The following L3MBTL2 variants were observed in gnomAD, a reference collection of about 807,000 sequenced individuals.
L3MBTL2 encodes the protein lethal(3)malignant brain tumor-like protein 2.
Under a neutral mutation model 86.4 loss-of-function variants are expected in L3MBTL2, and 49 were observed. That is an observed-to-expected ratio of 0.57 (90% CI 0.45 to 0.72). L3MBTL2 has a LOEUF of 0.72. L3MBTL2 is among the 30% of genes least tolerant of loss of function. L3MBTL2 has a pLI of 0.00. For missense variants in L3MBTL2, 755 were observed against 923.7 expected (o/e 0.82, Z 2.37); for synonymous variants, 336 against 350.6 (o/e 0.96, Z 0.47).
At chr22:41,213,826 G>A in intron 2 of L3MBTL2, 67 bp from the exon 3 acceptor site, 1 of 1,580,122 alleles carries the variant, frequency 6.3e-7, no homozygotes, top group South Asian at 1.1e-5. Flanking sequence ...GGTTTTGAAG[G>A]GCCCATCACT....
intron 5 of L3MBTL2, chr22:41,219,175 G>A: frequency 4.8e-6 from 2 of 413,924 alleles, no homozygotes; most frequent in South Asian, 2.7e-5. Flanking sequence ...TTTAGGACTC[G>A]GTTCTGTCTG....
intron 4 of L3MBTL2, 61 bp downstream of exon 4, chr22:41,216,323 G>A (rs1019206797): frequency 1.3e-6 from 2 of 1,579,790 alleles, no homozygotes; most frequent in Non-Finnish European, 1.7e-6. Flanking sequence ...ACTGGGTTTG[G>A]GGTGGCCTTT....
intron 15 of L3MBTL2, 151 bp from the exon 16 acceptor site, chr22:41,229,389 A>G (rs1258015152): frequency 1.3e-6 from 1 of 750,472 alleles, no homozygotes; most frequent in East Asian, 2.7e-5. Flanking sequence ...AGCCAATAAG[A>G]TGTGTTGTCA....
chr22:41,227,113 G>A lies in L3MBTL2; in HGVS notation c.1612G>A (p.Val538Met). Residue 538 changes from valine to methionine, a missense_variant, in exon 14 of 17, where the codon GTG becomes ATG. Val to Met is a conservative substitution (Grantham distance 21). Around this residue, in one of 3 missense-constraint regions of L3MBTL2, gnomAD observed 634 missense variants for 748.9 expected, o/e 0.85. Transcript: ENST00000216237. The surrounding 1 kb of genome is among the most constrained non-coding windows in gnomAD (Gnocchi z 6.0). Reference protein sequence around the residue: ...NMDCPNHGFKVGMKLEAVDLM... With the variant: ...NMDCPNHGFKMGMKLEAVDLM... ...GGATTGCCCAAACCATGGCTTCAAG[G>A]TGGGCATGAAGCTGGAGGCCGTGGA... 2 of 1,613,310 alleles carry A rather than the reference G, an allele frequency of 1.2e-6. No individual in the cohort carries two copies. Among genetic ancestry groups the A allele is most frequent in the Non-Finnish European group, 1.7e-6 (2 of 1,179,866 alleles).
intron 6 of L3MBTL2, 24 bp from the exon 7 acceptor site, chr22:41,220,710 A>G (rs1261956513): frequency 6.3e-7 from 1 of 1,598,540 alleles, no homozygotes; most frequent in Non-Finnish European, 8.5e-7. Context: ...CCTCCCTCAC[A>G]GGTGCCCTTT....
chr22:41,209,743 G>A lies in L3MBTL2; in HGVS notation c.72G>A (p.Leu24=), dbSNP rs966294914. ...EPMEEEEDDD[L]ELFGGYDSFR... is the part of the protein sequence containing the mutation. The stretch of plus-strand genomic sequence containing the variant: ...TGGAGGAAGAGGAAGATGACGACTT[G>A]GAGCTGTTTGGTGGCTATGATAGTT... Residue 24 remains leucine, a synonymous_variant, in exon 2 of 17, where the codon TTG becomes TTA. Transcript: ENST00000216237. 2.6e-5 allele frequency: 42 copies of A among 1,614,070 alleles called. No homozygotes were observed. The highest frequency in any genetic ancestry group is 3.5e-5 in the Non-Finnish European group (41 of 1,180,040).
At position 41,221,240 on chromosome 22, in the gene L3MBTL2, A is replaced by G; in HGVS notation, c.895A>G (p.Lys299Glu). Residue 299 changes from lysine (K) to glutamate (E), a missense_variant, in exon 8 of 17, where the codon AAA becomes GAA. By Grantham distance (56) the Lys-to-Glu change is moderately conservative. Transcript: ENST00000216237. Reference sequence around the variant, plus strand: ...CACCGACTGGAAGGGCTACCTCATGAAACGGCTGGTGGGCTCCAGGACGCT... The same window carrying G: ...CACCGACTGGAAGGGCTACCTCATGGAACGGCTGGTGGGCTCCAGGACGCT... ...KFTDWKGYLMKRLVGSRTLPV... is the reference protein window; with the variant it reads ...KFTDWKGYLMERLVGSRTLPV... The G allele has an allele frequency of 6.4e-7, 1 of 1,551,538 alleles. No homozygotes were observed. Among genetic ancestry groups the G allele is most frequent in the Non-Finnish European group, 8.7e-7 (1 of 1,146,774 alleles).
At chr22:41,217,340 C>T in intron 5 of L3MBTL2, 138 bp downstream of exon 5, 4 of 634,172 alleles carry the variant, frequency 6.3e-6, no homozygotes, top group South Asian at 1.8e-5. Context: ...CGTTACCACT[C>T]GCTCCATTTC....
At chr22:41,213,870 CAT>C (rs1325439281) in intron 2 of L3MBTL2, 21 bp from the exon 3 acceptor site, 12 of 1,613,492 alleles carry the variant, frequency 7.4e-6, no homozygotes, top group Admixed American at 1.7e-5. Context: ...TCGGGTGAGT[CAT>C]GTGCTAAGTT....
In L3MBTL2 at chr22:41,225,773, C is replaced by T. The variant is rs756849827; in HGVS notation, c.1357-21C>T. The T allele has an allele frequency of 1.9e-6, 3 of 1,599,324 alleles. No homozygotes were observed. Among genetic ancestry groups the T allele is most frequent in the Non-Finnish European group, 2.6e-6 (3 of 1,169,270 alleles). On this transcript the variant is annotated intron_variant, in intron 11 of 16. Coordinates refer to ENST00000216237, the MANE Select transcript of L3MBTL2 (RefSeq NM_031488.5). This position sits in a 1 kb window ranked among gnomAD's most constrained non-coding sequence, Gnocchi z 4.1. ...TGCAGTTCATGATATGATCTGTCTG[C>T]CTGCTCCCCCCACCCCCCAGGTTCT...
At chr22:41,226,640 T>C in intron 12 of L3MBTL2, 22 bp from the exon 13 acceptor site, 1 of 1,573,114 alleles carries the variant, frequency 6.4e-7, no homozygotes, top group Non-Finnish European at 8.8e-7. Flanking sequence ...TCCCTCTGCA[T>C]CTGAGCTTTC....
intron 3 of L3MBTL2, among the ~76,000 whole-genome samples, chr22:41,215,732 A>AACATTCGCCTATGTGGG: frequency 1.3e-5 from 1 of 78,946 alleles, no homozygotes; most frequent in South Asian, 3.2e-4. Context: ...GCCTATGTGG[A>AACATTCGCCTATGTGGG]CCCTCTCCCA....
intron 1 of L3MBTL2, among the ~76,000 whole-genome samples, chr22:41,208,118 C>T (rs1222227523): frequency 6.6e-6 from 1 of 151,566 alleles, no homozygotes; most frequent in Non-Finnish European, 1.5e-5. Context: ...AGGTGTGAGC[C>T]ACCGCACCCA....
At chr22:41,219,058 A>T (rs2031615713) in intron 5 of L3MBTL2, 1 of 213,614 alleles carries the variant, frequency 4.7e-6, no homozygotes, top group Admixed American at 4.9e-5. Context: ...TTGTGCTAAT[A>T]TCAGCGCCCT....
In L3MBTL2 at chr22:41,227,237, A is replaced by G; in HGVS notation, c.1736A>G (p.Gln579Arg). ...GACGGCTGGGACAGCGAGTACGACC[A>G]GTGGGTGGACTGCGAGTCCCCAGAC... ...HFDGWDSEYD[Q>R]WVDCESPDIY... The change falls in exon 14 of 17, where the codon CAG (glutamine) becomes CGG (arginine). Residue 579 changes from glutamine (Q) to arginine (R), a missense_variant. By Grantham distance (43) the Gln-to-Arg change is conservative. Around this residue, in one of 3 missense-constraint regions of L3MBTL2, gnomAD observed 634 missense variants for 748.9 expected, o/e 0.85. Coordinates refer to ENST00000216237, the MANE Select transcript of L3MBTL2 (RefSeq NM_031488.5). This position sits in a 1 kb window ranked among gnomAD's most constrained non-coding sequence, Gnocchi z 6.0. The G allele has an allele frequency of 6.2e-7, 1 of 1,613,300 alleles. No homozygotes were observed. Among genetic ancestry groups the G allele is most frequent in the Non-Finnish European group, 8.5e-7 (1 of 1,179,974 alleles).
intron 1 of L3MBTL2, 70 bp downstream of exon 1, chr22:41,205,456 T>C: frequency 1.3e-6 from 2 of 1,572,576 alleles, no homozygotes. Flanking sequence ...GGCCCTTCTT[T>C]AGGGCTTTTA....
Position 41,229,776 on chromosome 22 carries a change from C to T in L3MBTL2, c.2005+120C>T, listed in dbSNP as rs1380735300. Reference sequence around the variant, plus strand: ...TCAGGTTTCTTTGGCATTTTCTGGGCACCAAGCAGTCCTGTACCACTGGAC... The same window carrying T: ...TCAGGTTTCTTTGGCATTTTCTGGGTACCAAGCAGTCCTGTACCACTGGAC... On this transcript the variant is annotated intron_variant, in intron 16 of 16. Coordinates refer to ENST00000216237, the MANE Select transcript of L3MBTL2 (RefSeq NM_031488.5). The T allele has an allele frequency of 4.6e-6, 7 of 1,534,118 alleles. 1 individual carries two copies. Among genetic ancestry groups the T allele is most frequent in the South Asian group, 3.5e-5 (3 of 86,098 alleles).
chr22:41,224,677 G>T lies in L3MBTL2; in HGVS notation c.1175-48G>T, dbSNP rs200596231. On this transcript the variant is annotated intron_variant, in intron 9 of 16. Coordinates refer to ENST00000216237, the MANE Select transcript of L3MBTL2 (RefSeq NM_031488.5). This position sits in a 1 kb window ranked among gnomAD's most constrained non-coding sequence, Gnocchi z 4.9. ...GGCGTGTGGAGATGGCCCAGGAGCC[G>T]CCTCCAACTCCCTTCTCTCCCTCAT... 3.2e-5 allele frequency: 47 copies of T among 1,447,602 alleles called. 1 individual carries two copies. In the Admixed American group the frequency reaches 6.4e-4, roughly 20 times the overall value. The allele number at this position is 1,447,602 out of a possible 1,614,324, so 89.7% of individuals were successfully genotyped here. A position where few individuals can be genotyped will look rare whatever the true frequency, so the allele number is the denominator to read the frequency against.
At chr22:41,230,118 C>G (rs1343195973) in intron 16 of L3MBTL2, 21 bp from the exon 17 acceptor site, 6 of 1,342,898 alleles carry the variant, frequency 4.5e-6, no homozygotes, top group African/African-American at 1.5e-5. Flanking sequence ...GCCCACCCAC[C>G]CGCCTCCCCT....
Sources: allele counts gnomAD v4.1 joint callset (sites outside exome capture counted in the v4.1 genomes callset), GRCh38; gene constraint gnomAD v4.1.1; regional missense constraint gnomAD v4.1.1; non-coding constraint Gnocchi (gnomAD v3.1); transcripts MANE v1.5; gene names NCBI Gene and HGNC (gene_info 2026-07-23, HGNC 2026-07-21).